Variants in MKLN1 observed in about 807,000 individuals in gnomAD.
The protein encoded by MKLN1 is muskelin.
A neutral mutation model predicts 99.0 loss-of-function variants in MKLN1; 18 were observed. That is an observed-to-expected ratio of 0.18 (90% CI 0.13 to 0.27). The LOEUF (loss-of-function observed/expected upper bound fraction) is 0.27, where lower values mean the gene tolerates loss of function less well. Ranked by LOEUF, MKLN1 falls within the 10% of genes least tolerant of loss-of-function variation. The pLI, the probability that MKLN1 is intolerant of heterozygous loss-of-function variation, is 1.00. For missense variants in MKLN1, 621 were observed against 875.9 expected, an observed-to-expected ratio of 0.71 and a Z score of 3.67; for synonymous variants, 288 against 293.2, an observed-to-expected ratio of 0.98 and a Z score of 0.18.
chr7:131,246,843 A>G (rs186359081), intron 3 of MKLN1, among the ~76,000 whole-genome samples: 2 of 152,268 alleles, frequency 1.3e-5, no homozygotes, highest in East Asian at 1.9e-4. Context: ...TTCTAGGACA[A>G]TCTTGCTAAT....
intron 17 of MKLN1, among the ~76,000 whole-genome samples, chr7:131,483,554 G>A (rs1254527435): frequency 6.6e-6 from 1 of 152,140 alleles, no homozygotes; most frequent in African/African-American, 2.4e-5. Context: ...TTAAGTTCAT[G>A]GTCAACATCA....
intron 2 of MKLN1, among the ~76,000 whole-genome samples, chr7:131,161,319 G>T (rs1239753682): frequency 3.3e-5 from 5 of 152,168 alleles, no homozygotes; most frequent in African/African-American, 4.8e-5. Context: ...GCACTCTCCG[G>T]TATGGTAGCC....
chr7:131,465,504 T>C (rs1796633299), intron 14 of MKLN1, among the ~76,000 whole-genome samples: 1 of 152,242 alleles, frequency 6.6e-6, no homozygotes, highest in Non-Finnish European at 1.5e-5. Flanking sequence ...TGCCATTTAA[T>C]ATTTGGCATT....
At chr7:131,394,186 A>G (rs1348665167) in intron 4 of MKLN1, among the ~76,000 whole-genome samples, 1 of 152,112 alleles carries the variant, frequency 6.6e-6, no homozygotes, top group Non-Finnish European at 1.5e-5. Context: ...TGTTGTTTAC[A>G]TACATAAACA....
intron 3 of MKLN1, among the ~76,000 whole-genome samples, chr7:131,297,371 T>C (rs1056848379): frequency 5.4e-5 from 8 of 148,370 alleles, no homozygotes; most frequent in Non-Finnish European, 1.2e-4. Flanking sequence ...AAAAACAAAA[T>C]ATATATATAT....
chr7:131,122,780 G>A (rs1795392289), intron 1 of MKLN1, among the ~76,000 whole-genome samples: 1 of 152,090 alleles, frequency 6.6e-6, no homozygotes, highest in African/African-American at 2.4e-5. Context: ...CCAGTACTTT[G>A]AGAGGCCGAG....
intron 12 of MKLN1, among the ~76,000 whole-genome samples, chr7:131,452,836 A>G (rs1445806003): frequency 1.3e-5 from 2 of 152,202 alleles, no homozygotes; most frequent in African/African-American, 4.8e-5. Flanking sequence ...GGCGTGAGCC[A>G]CTGCACCCGG....
chr7:131,194,967 C>T (rs1796619990), intron 2 of MKLN1, among the ~76,000 whole-genome samples: 1 of 152,154 alleles, frequency 6.6e-6, no homozygotes, highest in South Asian at 2.1e-4. Flanking sequence ...GCTCTTTGTT[C>T]TGGTAAGCAT....
At chr7:131,452,543 A>G (rs923075099) in intron 12 of MKLN1, among the ~76,000 whole-genome samples, 15 of 96,280 alleles carry the variant, frequency 1.6e-4, no homozygotes, top group Non-Finnish European at 2.8e-4. Flanking sequence ...ATCCTTTTAT[A>G]CTTTTTTTTT....
intron 14 of MKLN1, among the ~76,000 whole-genome samples, 186 bp downstream of exon 14, chr7:131,464,594 A>G (rs1471055515): frequency 1.3e-5 from 2 of 152,234 alleles, no homozygotes; most frequent in African/African-American, 2.4e-5. Flanking sequence ...AAGCATTTTT[A>G]CGTAGTCTGT....
intron 1 of MKLN1, among the ~76,000 whole-genome samples, chr7:131,333,597 C>T (rs1025505714): frequency 2.6e-5 from 4 of 151,524 alleles, no homozygotes; most frequent in African/African-American, 7.3e-5. Context: ...AGTGCAATGG[C>T]GCAGTCTCGG....
chr7:131,365,956 G>A (rs748196786), intron 1 of MKLN1, among the ~76,000 whole-genome samples: 3 of 152,142 alleles, frequency 2.0e-5, no homozygotes, highest in African/African-American at 2.4e-5. Context: ...ACTGACTTTT[G>A]TGTAGGAGCA....
At chr7:131,190,119 C>T (rs530751860) in intron 2 of MKLN1, among the ~76,000 whole-genome samples, 14 of 152,080 alleles carry the variant, frequency 9.2e-5, no homozygotes, top group Non-Finnish European at 1.9e-4. Context: ...ATCCCCCACC[C>T]CCTTAAGGAT....
At chr7:131,164,324 A>C (rs1356916753) in intron 2 of MKLN1, among the ~76,000 whole-genome samples, 2 of 152,196 alleles carry the variant, frequency 1.3e-5, no homozygotes, top group Non-Finnish European at 2.9e-5. Flanking sequence ...TATGTTAGCC[A>C]GGCTGGTCTC....
intron 2 of MKLN1, among the ~76,000 whole-genome samples, chr7:131,164,010 A>G (rs1796089440): frequency 1.3e-5 from 2 of 152,228 alleles, no homozygotes; most frequent in South Asian, 4.1e-4. Flanking sequence ...AAGCTTTGCC[A>G]CAGGGCCTCG....
chr7:131,432,663 G>T (rs913322644), intron 9 of MKLN1, among the ~76,000 whole-genome samples: 1 of 152,128 alleles, frequency 6.6e-6, no homozygotes, highest in African/African-American at 2.4e-5. Flanking sequence ...GACCAGGATG[G>T]TCTCGATCTC....
chr7:131,432,308 G>A (rs1438298160), intron 9 of MKLN1, among the ~76,000 whole-genome samples: 1 of 152,060 alleles, frequency 6.6e-6, no homozygotes, highest in African/African-American at 2.4e-5. Context: ...GCTTGGTATG[G>A]GTAGATAACT....
At chr7:131,137,920 C>A (rs1208832012) in intron 1 of MKLN1, among the ~76,000 whole-genome samples, 2 of 93,660 alleles carry the variant, frequency 2.1e-5, no homozygotes, top group Non-Finnish European at 4.2e-5. Context: ...TTCTTTCTTT[C>A]TTTACTTTTT....
chr7:131,258,319 T>C (rs1269319086), intron 3 of MKLN1, among the ~76,000 whole-genome samples: 7 of 54,952 alleles, frequency 1.3e-4, no homozygotes, highest in Admixed American at 2.8e-4. Context: ...GTTTCTCTCC[T>C]GAGATGCTCT....
Sources: allele counts gnomAD v4.1 joint callset (sites outside exome capture counted in the v4.1 genomes callset), GRCh38; gene constraint gnomAD v4.1.1; transcripts MANE v1.5; gene names NCBI Gene and HGNC (gene_info 2026-07-23, HGNC 2026-07-21).